The following TLR3 variants were observed in gnomAD, a reference collection of about 807,000 sequenced individuals.
TLR3 encodes the protein toll-like receptor 3.
Under a neutral mutation model 66.4 loss-of-function variants are expected in TLR3, and 43 were observed. The ratio of observed to expected loss-of-function variants is 0.65; its 90% CI spans 0.51 to 0.83. The LOEUF (loss-of-function observed/expected upper bound fraction) is 0.83. Among genes scored for constraint, TLR3 ranks in the 40% least tolerant of loss-of-function variants. The pLI is 0.00. For synonymous variants in TLR3, 397 were observed against 397.2 expected (o/e 1.00, Z 0.01); for missense variants, 982 against 1,044.6 (o/e 0.94, Z 0.83).
rs1223471033 is a variant in TLR3, at chr4:186,087,148, A to G, written c.*2275A>G. Reference sequence around the variant, plus strand: ...TAGAATGTTGGGATTTTTCCATTTGATTGAGTTCTAGGAAGCCTTTAGTTT... The same window carrying G: ...TAGAATGTTGGGATTTTTCCATTTGGTTGAGTTCTAGGAAGCCTTTAGTTT... On this transcript the variant is annotated 3_prime_UTR_variant, in exon 5 of 5. Coordinates refer to ENST00000296795, the MANE Select transcript of TLR3 (RefSeq NM_003265.3). 1.3e-5 allele frequency: 2 copies of G among 152,112 alleles called. No individual in the cohort carries two copies. Among genetic ancestry groups the G allele is most frequent in the Non-Finnish European group, 2.9e-5 (2 of 68,024 alleles). 9.4% of individuals were successfully genotyped at this position (152,112 alleles called of 1,614,324 possible).
At chr4:186,077,801 C>A (rs190173035) in intron 2 of TLR3, among the ~76,000 whole-genome samples, 2 of 149,544 alleles carry the variant, frequency 1.3e-5, no homozygotes, top group Admixed American at 6.8e-5. Context: ...CGTAGTTAAC[C>A]ATATTCACCC....
intron 1 of TLR3, among the ~76,000 whole-genome samples, chr4:186,071,377 G>A (rs956960888): frequency 6.6e-6 from 1 of 152,224 alleles, no homozygotes; most frequent in African/African-American, 2.4e-5. Context: ...CAAGGAGAAT[G>A]TATTGTAGGG....
intron 3 of TLR3, among the ~76,000 whole-genome samples, chr4:186,080,189 T>A (rs199500641): frequency 7.2e-6 from 1 of 138,836 alleles, no homozygotes; most frequent in Non-Finnish European, 1.5e-5. Context: ...ACAACTCTAT[T>A]TTTTTTTTCA....
chr4:186,083,628 G>T lies in TLR3; in HGVS notation c.1942G>T (p.Asp648Tyr). ...TELDMRFNPF[D>Y]CTCESIAWFV... ...GTTAGATATGCGCTTTAATCCCTTT[G>T]ATTGCACGTGTGAAAGTATTGCCTG... The change falls in exon 4 of 5, where the codon GAT (aspartate) becomes TAT (tyrosine). Residue 648 changes from aspartate to tyrosine, a missense_variant. Asp to Tyr is a radical substitution (Grantham distance 160). Coordinates refer to ENST00000296795, the MANE Select transcript of TLR3 (RefSeq NM_003265.3). This position sits in a 1 kb window ranked among gnomAD's most constrained non-coding sequence, Gnocchi z 4.0. The T allele has an allele frequency of 1.2e-6, 2 of 1,601,858 alleles. No individual in the cohort carries two copies. The highest frequency in any genetic ancestry group is 1.7e-6 in the Non-Finnish European group (2 of 1,174,642).
At chr4:186,075,458 T>C (rs2099302295) in intron 1 of TLR3, among the ~76,000 whole-genome samples, 3 of 151,990 alleles carry the variant, frequency 2.0e-5, no homozygotes, top group Non-Finnish European at 4.4e-5. Context: ...CCTATCTCTC[T>C]ATAAAATTTA....
At chr4:186,082,224 CA>C (rs549369747) in intron 3 of TLR3, 95 bp from the exon 4 acceptor site, 6,070 of 373,578 alleles carry the variant, frequency 0.016, no homozygotes, top group South Asian at 0.027. Context: ...GACTCCGTCT[CA>C]AAAAAAAAAA....
rs2099304212 is a variant in TLR3, at chr4:186,085,491, G to C, written c.*618G>C. ...TGATTATTTGAATGAATATTGACTT[G>C]TATTTTCCTGAGATTATGAGTTTCT... is the stretch of plus-strand genomic sequence containing the variant. On this transcript the variant is annotated 3_prime_UTR_variant, in exon 5 of 5. Transcript: ENST00000296795. The C allele has an allele frequency of 6.6e-6, 1 of 152,458 alleles. No individual in the cohort carries two copies. The highest frequency in any genetic ancestry group is 2.4e-5 in the African/African-American group (1 of 41,430). The allele number at this position is 152,458 out of a possible 1,614,324, so 9.4% of individuals were successfully genotyped here.
chr4:186,077,614 G>T (rs1380608634), intron 2 of TLR3, among the ~76,000 whole-genome samples: 7 of 151,178 alleles, frequency 4.6e-5, no homozygotes, highest in Admixed American at 6.6e-5. Context: ...TTTCTTTTTA[G>T]TTGATGTTTA....
At position 186,086,867 on chromosome 4, in the gene TLR3, G is replaced by C. The variant is rs993167986; in HGVS notation, c.*1994G>C. On this transcript the variant is annotated 3_prime_UTR_variant, in exon 5 of 5. Coordinates refer to ENST00000296795, the MANE Select transcript of TLR3 (RefSeq NM_003265.3). ...GGACAAAATGCACAAAGAATGAGGC[G>C]ACAAAAGCAGAGGTTTATTGAAAAC... 6.6e-6 allele frequency: 1 copy of C among 152,094 alleles called. No homozygotes were observed. The highest frequency in any genetic ancestry group is 2.4e-5 in the African/African-American group (1 of 41,426). The allele number at this position is 152,094 out of a possible 1,614,324, so 9.4% of individuals were successfully genotyped here. A position where few individuals can be genotyped will look rare whatever the true frequency, so the allele number is the denominator to read the frequency against.
Position 186,084,900 on chromosome 4 carries a change from G to A in TLR3, c.*27G>A, listed in dbSNP as rs113522127. 8.3e-6 allele frequency: 13 copies of A among 1,569,024 alleles called. No individual in the cohort carries two copies. The highest frequency in any genetic ancestry group is 2.7e-5 in the African/African-American group (2 of 73,662). On this transcript the variant is annotated 3_prime_UTR_variant, in exon 5 of 5. Coordinates refer to ENST00000296795, the MANE Select transcript of TLR3 (RefSeq NM_003265.3). ...TTTATTTAAATATTCAATTAGCAAA[G>A]GAGAAACTTTCTCAATTTAAAAAGT...
rs73873710 is a variant in TLR3, at chr4:186,084,711, C to T, written c.2553C>T (p.Phe851=). 31,945 of 1,613,804 alleles carry T rather than the reference C, an allele frequency of 0.02. 1,214 individuals are homozygous for T. Among genetic ancestry groups the T allele is most frequent in the African/African-American group, 0.16 (12,093 of 74,922 alleles). Residue 851 remains phenylalanine, a synonymous_variant, in exon 5 of 5, where the codon TTC becomes TTT. Transcript: ENST00000296795. The part of the protein sequence containing the change: ...EQNLDSIILV[F]LEEIPDYKLN... ...ATCTGGATTCCATTATATTGGTTTTCCTTGAGGAGATTCCAGATTATAAAC... is the reference window on the plus strand; with the variant it reads ...ATCTGGATTCCATTATATTGGTTTTTCTTGAGGAGATTCCAGATTATAAAC...
Position 186,082,644 on chromosome 4 carries a change from G to C in TLR3, c.958G>C (p.Gly320Arg), listed in dbSNP as rs554658931. Residue 320 changes from glycine to arginine, a missense_variant, in exon 4 of 5, where the codon GGG (glycine) becomes CGG (arginine). Coordinates refer to ENST00000296795, the MANE Select transcript of TLR3 (RefSeq NM_003265.3). The part of the protein sequence containing the change: ...IQHLFSHSLH[G>R]LFNVRYLNLK... ...GCATTTGTTTTCTCACTCTTTGCAC[G>C]GGCTTTTCAATGTGAGGTACCTGAA... is the stretch of plus-strand genomic sequence containing the variant. 6.2e-7 allele frequency: 1 copy of C among 1,613,844 alleles called. No individual in the cohort carries two copies. Among genetic ancestry groups the C allele is most frequent in the Non-Finnish European group, 8.5e-7 (1 of 1,179,850 alleles).
rs1167050834 is a variant in TLR3, at chr4:186,083,678, C to A, written c.1992C>A (p.Thr664=). ...GGTTTGTTAATTGGATTAACGAGAC[C>A]CATACCAACATCCCTGAGCTGTCAA... ...IAWFVNWINE[T]HTNIPELSSH... The change falls in exon 4 of 5, where the codon ACC becomes ACA. Residue 664 remains threonine, a synonymous_variant. Transcript: ENST00000296795. This position sits in a 1 kb window ranked among gnomAD's most constrained non-coding sequence, Gnocchi z 4.0. 6.3e-7 allele frequency: 1 copy of A among 1,598,452 alleles called. No individual in the cohort carries two copies. The highest frequency in any genetic ancestry group is 2.2e-5 in the East Asian group (1 of 44,694).
intron 3 of TLR3, chr4:186,081,590 A>G (rs1039903585): frequency 5.3e-5 from 8 of 152,324 alleles, no homozygotes; most frequent in African/African-American, 1.9e-4. Context: ...ACTTCCTTCC[A>G]TGAGGCTCAC....
intron 2 of TLR3, 88 bp downstream of exon 2, chr4:186,077,148 G>T: frequency 7.2e-7 from 1 of 1,389,284 alleles, no homozygotes; most frequent in South Asian, 1.3e-5. Flanking sequence ...GAAATAAAGA[G>T]GAAGAAATTT....
chr4:186,071,335 GAGCCCTACCAGAGGGGTACATCTCACCTA>G (rs2099301434), intron 1 of TLR3, among the ~76,000 whole-genome samples: 2 of 152,178 alleles, frequency 1.3e-5, no homozygotes, highest in Non-Finnish European at 2.9e-5. Context: ...CCTATAGCAG[GAGCCCTACCAGAGGGGTACATCTCACCTA>G]AGCAAGGAGA....
intron 1 of TLR3, among the ~76,000 whole-genome samples, chr4:186,070,639 C>T (rs1402958499): frequency 3.3e-5 from 5 of 151,270 alleles, no homozygotes; most frequent in African/African-American, 9.7e-5. Context: ...CCTCCAGCCT[C>T]AGCTTCCTAA....
intron 1 of TLR3, among the ~76,000 whole-genome samples, chr4:186,075,980 C>A (rs955286712): frequency 1.5e-4 from 23 of 152,208 alleles, no homozygotes; most frequent in African/African-American, 3.6e-4. Flanking sequence ...ATGGTGAAAC[C>A]TCGTCTCTAC....
chr4:186,082,698 A>C lies in TLR3; in HGVS notation c.1012A>C (p.Ile338Leu). 3 of 1,614,090 alleles carry C rather than the reference A, an allele frequency of 1.9e-6. No homozygotes were observed. The highest frequency in any genetic ancestry group is 2.5e-6 in the Non-Finnish European group (3 of 1,179,988). Reference protein sequence around the residue: ...NLKRSFTKQSISLASLPKIDD... With the variant: ...NLKRSFTKQSLSLASLPKIDD... ...GAAACGGTCTTTTACTAAACAAAGT[A>C]TTTCCCTTGCCTCACTCCCCAAGAT... is the stretch of plus-strand genomic sequence containing the variant. The change falls in exon 4 of 5, where the codon ATT becomes CTT. Residue 338 changes from isoleucine to leucine, a missense_variant. Around this residue, in one of 3 missense-constraint regions of TLR3, gnomAD observed 666 missense variants for 709.0 expected, o/e 0.94. Coordinates refer to ENST00000296795, the MANE Select transcript of TLR3 (RefSeq NM_003265.3).
Sources: allele counts gnomAD v4.1 joint callset (sites outside exome capture counted in the v4.1 genomes callset), GRCh38; gene constraint gnomAD v4.1.1; regional missense constraint gnomAD v4.1.1; non-coding constraint Gnocchi (gnomAD v3.1); transcripts MANE v1.5; gene names NCBI Gene and HGNC (gene_info 2026-07-23, HGNC 2026-07-21).